Variants in MYT1L observed in about 807,000 individuals in gnomAD.
The protein encoded by MYT1L is myelin transcription factor 1-like protein.
MYT1L carries 12 observed loss-of-function variants against 126.7 expected under a neutral mutation model. The ratio of observed to expected loss-of-function variants is 0.09; its 90% CI spans 0.06 to 0.15. The LOEUF (loss-of-function observed/expected upper bound fraction) is 0.15. MYT1L is among the 10% of genes least tolerant of loss of function. MYT1L has a pLI of 1.00. For synonymous variants in MYT1L, 541 were observed against 604.2 expected, an observed-to-expected ratio of 0.90 and a Z score of 1.53; for missense variants, 979 against 1,585.2, an observed-to-expected ratio of 0.62 and a Z score of 6.49.
intron 2 of MYT1L, among the ~76,000 whole-genome samples, chr2:2,251,314 G>A (rs17039457): frequency 0.022 from 3,294 of 152,174 alleles, 102 homozygotes; most frequent in African/African-American, 0.075. Context: ...ACTGTATAAT[G>A]ACCTAGACGT....
intron 21 of MYT1L, among the ~76,000 whole-genome samples, chr2:1,831,652 G>A (rs193069899): frequency 7.8e-4 from 119 of 152,256 alleles, no homozygotes; most frequent in Admixed American, 4.1e-3. Context: ...GCCCAGCATC[G>A]TTTTGAACTC....
chr2:2,232,455 C>G (rs768067875), intron 2 of MYT1L, among the ~76,000 whole-genome samples: 2 of 152,212 alleles, frequency 1.3e-5, no homozygotes, highest in Non-Finnish European at 2.9e-5. Flanking sequence ...TTGAAGTCTG[C>G]TCTTCTACCC....
chr2:2,104,808 G>A (rs2078546952), intron 3 of MYT1L, among the ~76,000 whole-genome samples: 1 of 152,208 alleles, frequency 6.6e-6, no homozygotes, highest in South Asian at 2.1e-4. Flanking sequence ...GGGAGGGCAG[G>A]AGGGAAGTTT....
In MYT1L at chr2:1,912,006, C is replaced by T; in HGVS notation, c.1709+14G>A. On this transcript the variant is annotated intron_variant, in intron 12 of 24. Coordinates refer to ENST00000647738, the MANE Select transcript of MYT1L (RefSeq NM_001303052.2). This position sits in a 1 kb window ranked among gnomAD's most constrained non-coding sequence, Gnocchi z 4.3. Reference sequence around the variant, plus strand: ...GGTGCTCCCTCCCACACCAGTGACCCACGCGTGGCTTACCTTCGGTGGGAG... The same window carrying T: ...GGTGCTCCCTCCCACACCAGTGACCTACGCGTGGCTTACCTTCGGTGGGAG... The T allele has an allele frequency of 6.3e-7, 1 of 1,580,774 alleles. No homozygotes were observed. The highest frequency in any genetic ancestry group is 1.2e-5 in the South Asian group (1 of 86,414).
chr2:1,889,363 G>T lies in MYT1L; in HGVS notation c.2398C>A (p.Gln800Lys), dbSNP rs1395650240. ...CACCGGTTGTTCATCACTGCCTGCT[G>T]CTGGGGGGACATGGGCTCCAGAGGG... The part of the protein sequence containing the change: ...LTPLEPMSPQ[Q>K]QAVMNNRCFQ... The change falls in exon 16 of 25, where the codon CAG (glutamine) becomes AAG (lysine). Residue 800 changes from glutamine (Q) to lysine (K), a missense_variant. Transcript: ENST00000647738. The surrounding 1 kb of genome is among the most constrained non-coding windows in gnomAD (Gnocchi z 4.1). 1 of 1,613,954 alleles carries T rather than the reference G, an allele frequency of 6.2e-7. No individual in the cohort carries two copies. The highest frequency in any genetic ancestry group is 2.2e-5 in the East Asian group (1 of 44,862).
At chr2:2,092,718 G>A (rs959408228) in intron 3 of MYT1L, among the ~76,000 whole-genome samples, 4 of 152,186 alleles carry the variant, frequency 2.6e-5, no homozygotes, top group South Asian at 2.1e-4. Flanking sequence ...CATAACACAC[G>A]TATTTTTCTA....
chr2:2,227,419 A>G (rs1487584033), intron 2 of MYT1L, among the ~76,000 whole-genome samples: 1 of 152,182 alleles, frequency 6.6e-6, no homozygotes, highest in Non-Finnish European at 1.5e-5. Context: ...CCATAAGCTC[A>G]AAACCCTTAG....
chr2:1,808,852 C>T (rs966645989), intron 22 of MYT1L, among the ~76,000 whole-genome samples: 1 of 152,168 alleles, frequency 6.6e-6, no homozygotes, highest in Non-Finnish European at 1.5e-5. Context: ...GACTTGGGCT[C>T]ATGATTCCGG....
chr2:1,926,418 A>G (rs2054237423), intron 9 of MYT1L, among the ~76,000 whole-genome samples: 1 of 152,144 alleles, frequency 6.6e-6, no homozygotes, highest in African/African-American at 2.4e-5. Flanking sequence ...TGAGGCTAAT[A>G]ATGAAATTAG....
intron 4 of MYT1L, among the ~76,000 whole-genome samples, chr2:2,010,781 C>T (rs2063748476): frequency 6.6e-6 from 1 of 152,202 alleles, no homozygotes; most frequent in South Asian, 2.1e-4. Flanking sequence ...TACAAAGCAA[C>T]AGCAATCAAG....
At position 2,130,633 on chromosome 2, in the gene MYT1L, A is replaced by T. The variant is rs987289533; in HGVS notation, c.-304+42239T>A. Among the ~76,000 whole-genome samples, 6 of 152,304 alleles carry T rather than the reference A, an allele frequency of 3.9e-5. No homozygotes were observed. The East Asian group carries it at 1.2e-3, about 29-fold the overall frequency. On this transcript the variant is annotated intron_variant, in intron 3 of 24. Transcript: ENST00000647738. ...AAGTGAGATAGGGCAGGTCATTTTGACCCAGAGAGGCGTCTGTATACATAA... is the reference window on the plus strand; with the variant it reads ...AAGTGAGATAGGGCAGGTCATTTTGTCCCAGAGAGGCGTCTGTATACATAA...
chr2:2,004,638 C>T (rs2062954841), intron 4 of MYT1L, among the ~76,000 whole-genome samples: 1 of 147,606 alleles, frequency 6.8e-6, no homozygotes, highest in South Asian at 2.2e-4. Flanking sequence ...TTCTTTCCTG[C>T]AGGCATTCTT....
chr2:2,091,977 T>G (rs1575106534), intron 3 of MYT1L, among the ~76,000 whole-genome samples: 1 of 152,348 alleles, frequency 6.6e-6, no homozygotes, highest in East Asian at 1.9e-4. Context: ...TGCTCTAATC[T>G]TCTATCCAGA....
At chr2:1,871,457 T>C (rs2046279136) in intron 18 of MYT1L, among the ~76,000 whole-genome samples, 1 of 152,216 alleles carries the variant, frequency 6.6e-6, no homozygotes, top group Admixed American at 6.5e-5. Flanking sequence ...TGCAGAGAGC[T>C]GGACACAGCG....
At chr2:2,065,622 G>C (rs116798832) in intron 3 of MYT1L, among the ~76,000 whole-genome samples, 1,792 of 152,156 alleles carry the variant, frequency 0.012, 20 homozygotes, top group Admixed American at 0.03. Context: ...TGTCTACCCC[G>C]CACTTCTCAG....
chr2:2,034,373 A>G (rs1432167568), intron 4 of MYT1L, among the ~76,000 whole-genome samples: 3 of 89,364 alleles, frequency 3.4e-5, no homozygotes, highest in Non-Finnish European at 6.7e-5. Context: ...GCGGGTGCAG[A>G]AGAGAGCTCC....
chr2:1,850,813 G>T (rs949578450), intron 19 of MYT1L, among the ~76,000 whole-genome samples: 3 of 152,024 alleles, frequency 2.0e-5, no homozygotes, highest in African/African-American at 4.8e-5. Flanking sequence ...GGTGCTTCCC[G>T]TGGGGAATTT....
intron 2 of MYT1L, among the ~76,000 whole-genome samples, chr2:2,231,536 C>T (rs2094161726): frequency 6.6e-6 from 1 of 152,084 alleles, no homozygotes; most frequent in Non-Finnish European, 1.5e-5. Context: ...CAACTTCCAC[C>T]TCCCAGGCTC....
chr2:2,142,169 C>T (rs140719309), intron 3 of MYT1L, among the ~76,000 whole-genome samples: 218 of 152,210 alleles, frequency 1.4e-3, no homozygotes, highest in African/African-American at 4.9e-3. Flanking sequence ...GAGCCTTGTT[C>T]AGGATGCACG....
Sources: allele counts gnomAD v4.1 joint callset (sites outside exome capture counted in the v4.1 genomes callset), GRCh38; gene constraint gnomAD v4.1.1; non-coding constraint Gnocchi (gnomAD v3.1); transcripts MANE v1.5; gene names NCBI Gene and HGNC (gene_info 2026-07-23, HGNC 2026-07-21).